Variants in CDIN1 observed in about 807,000 individuals in gnomAD.
CDIN1 encodes the protein CDAN1-interacting nuclease 1.
CDIN1 carries 33 observed loss-of-function variants against 45.3 expected under a neutral mutation model. The ratio of observed to expected loss-of-function variants is 0.73; its 90% CI spans 0.55 to 0.97. The LOEUF (loss-of-function observed/expected upper bound fraction) is 0.97. Ranked by LOEUF, CDIN1 falls within the 50% of genes least tolerant of loss-of-function variation. The probability of loss-of-function intolerance (pLI) is 0.00; values close to 1 mark genes in which losing one functional copy is unlikely to be tolerated. For missense variants in CDIN1, 303 were observed against 339.4 expected (o/e 0.89, Z 0.84); for synonymous variants, 118 against 124.4 (o/e 0.95, Z 0.34).
intron 10 of CDIN1, among the ~76,000 whole-genome samples, chr15:36,790,552 G>T (rs11073200): frequency 0.8 from 121,839 of 151,836 alleles, 51,726 homozygotes; most frequent in East Asian, 0.95. Flanking sequence ...CACATAGAAA[G>T]AAATACTTGA....
chr15:36,637,644 G>A (rs1413138815), intron 1 of CDIN1, among the ~76,000 whole-genome samples: 1 of 152,166 alleles, frequency 6.6e-6, no homozygotes, highest in African/African-American at 2.4e-5. Context: ...GCGTGTGAAT[G>A]TACACCAAGA....
intron 7 of CDIN1, among the ~76,000 whole-genome samples, chr15:36,695,367 A>G (rs1202288214): frequency 6.6e-6 from 1 of 152,184 alleles, no homozygotes; most frequent in Non-Finnish European, 1.5e-5. Flanking sequence ...TACCAAATGC[A>G]AATGCTTTTG....
intron 10 of CDIN1, among the ~76,000 whole-genome samples, chr15:36,805,349 G>A (rs1437180761): frequency 6.6e-6 from 1 of 152,116 alleles, no homozygotes; most frequent in Non-Finnish European, 1.5e-5. Flanking sequence ...AATCTCAGTA[G>A]CAGACCAACC....
At chr15:36,613,099 G>A (rs542166354) in intron 1 of CDIN1, among the ~76,000 whole-genome samples, 30 of 152,260 alleles carry the variant, frequency 2.0e-4, no homozygotes, top group Non-Finnish European at 4.3e-4. Flanking sequence ...TAGGCACCAC[G>A]GTGTTTGGAA....
intron 10 of CDIN1, among the ~76,000 whole-genome samples, chr15:36,731,654 C>T (rs1431500407): frequency 6.6e-6 from 1 of 152,088 alleles, no homozygotes; most frequent in East Asian, 1.9e-4. Flanking sequence ...AAAAAGTGCA[C>T]CACAAGATGT....
At chr15:36,708,248 A>T (rs1470678084) in intron 8 of CDIN1, 1 of 152,106 alleles carries the variant, frequency 6.6e-6, no homozygotes, top group African/African-American at 2.4e-5. Flanking sequence ...GGGATGCATG[A>T]CAATGTCAAC....
chr15:36,696,542 T>C (rs1234653391), intron 7 of CDIN1: 1 of 152,242 alleles, frequency 6.6e-6, no homozygotes, highest in African/African-American at 2.4e-5. Flanking sequence ...AAGTGCTTAA[T>C]AAATGTATGC....
intron 10 of CDIN1, among the ~76,000 whole-genome samples, chr15:36,777,406 GA>G (rs61343212): frequency 0.14 from 16,762 of 118,552 alleles, 1,014 homozygotes; most frequent in Non-Finnish European, 0.18. Flanking sequence ...TTTTAGATCT[GA>G]AAAAAAAAAA....
At chr15:36,708,242 T>C (rs1413751201) in intron 8 of CDIN1, 1 of 152,110 alleles carries the variant, frequency 6.6e-6, no homozygotes, top group African/African-American at 2.4e-5. Context: ...GCGAATGGGA[T>C]GCATGACAAT....
chr15:36,679,586 T>A (rs558506083), intron 5 of CDIN1, among the ~76,000 whole-genome samples: 16 of 152,322 alleles, frequency 1.1e-4, no homozygotes, highest in Non-Finnish European at 2.4e-4. Context: ...CTGCATGTCT[T>A]TCCTAGTTTA....
At chr15:36,607,042 G>A (rs2038410565) in intron 1 of CDIN1, among the ~76,000 whole-genome samples, 1 of 152,160 alleles carries the variant, frequency 6.6e-6, no homozygotes, top group African/African-American at 2.4e-5. Context: ...AGTGGTACTT[G>A]TGACAGAAGG....
rs566097702 is a variant in CDIN1 at position 36,701,998 on chromosome 15, CAG to C, written c.544+4609_544+4610del. On this transcript the variant is annotated intron_variant, in intron 8 of 10. Transcript: ENST00000566621. ...GGGGAGGTGATTATGATGTGACAAACAGGGGATTATGACTTCAGGTGAAGGAC... is the reference window on the plus strand; with the variant it reads ...GGGGAGGTGATTATGATGTGACAAACGGGATTATGACTTCAGGTGAAGGAC... 3.3e-5 allele frequency: 23 copies of C among 700,690 alleles called. No homozygotes were observed. The East Asian group carries it at 4.8e-4, about 15-fold the overall frequency. The allele number at this position is 700,690 out of a possible 1,614,324, so 43.4% of individuals were successfully genotyped here. A position where few individuals can be genotyped will look rare whatever the true frequency, so the allele number is the denominator to read the frequency against.
intron 10 of CDIN1, among the ~76,000 whole-genome samples, chr15:36,751,230 TA>T (rs1167115337): frequency 9.7e-4 from 5 of 5,162 alleles, no homozygotes; most frequent in African/African-American, 4.5e-3. Flanking sequence ...ATGCTTATTT[TA>T]TATATATATA....
At chr15:36,594,625 A>T (rs1254346782) in intron 1 of CDIN1, among the ~76,000 whole-genome samples, 1 of 152,182 alleles carries the variant, frequency 6.6e-6, no homozygotes, top group Non-Finnish European at 1.5e-5. Flanking sequence ...AAAGGTTGGA[A>T]TATATCAACC....
chr15:36,724,550 TG>T (rs1251142860), intron 10 of CDIN1, among the ~76,000 whole-genome samples: 3 of 152,136 alleles, frequency 2.0e-5, no homozygotes, highest in African/African-American at 7.2e-5. Context: ...CAAAGGCAAC[TG>T]GGCTGTGGGA....
chr15:36,746,241 G>A (rs909101579), intron 10 of CDIN1, among the ~76,000 whole-genome samples: 1 of 152,090 alleles, frequency 6.6e-6, no homozygotes, highest in African/African-American at 2.4e-5. Flanking sequence ...CTTTGCTTTT[G>A]GAAGTTTGTT....
chr15:36,740,978 C>A (rs760753302), intron 10 of CDIN1, among the ~76,000 whole-genome samples: 7 of 151,952 alleles, frequency 4.6e-5, no homozygotes, highest in Non-Finnish European at 8.8e-5. Context: ...ACTCTCTCAC[C>A]CAGGCTAAAG....
chr15:36,613,001 G>T (rs1236876376), intron 1 of CDIN1, among the ~76,000 whole-genome samples: 1 of 152,184 alleles, frequency 6.6e-6, no homozygotes, highest in Non-Finnish European at 1.5e-5. Context: ...CTAGGTTTTT[G>T]TTCTGTATTT....
At chr15:36,787,704 T>C (rs1232011985) in intron 10 of CDIN1, among the ~76,000 whole-genome samples, 8 of 152,224 alleles carry the variant, frequency 5.3e-5, no homozygotes, top group African/African-American at 1.7e-4. Flanking sequence ...GAAAATTAGA[T>C]TTTAATCGTA....
Sources: gnomAD v4.1 joint callset for allele counts (sites outside exome capture counted in the v4.1 genomes callset) on GRCh38, gnomAD v4.1.1 for gene constraint, MANE v1.5 for transcripts, NCBI Gene and HGNC (gene_info 2026-07-23, HGNC 2026-07-21) for gene names.